KIAA1217: variants seen among roughly 807,000 people sequenced by gnomAD.
KIAA1217 encodes sickle tail protein homolog.
Under a neutral mutation model 163.9 loss-of-function variants are expected in KIAA1217, and 88 were observed. That is an observed-to-expected ratio of 0.54 (90% confidence interval 0.45 to 0.64). The LOEUF (loss-of-function observed/expected upper bound fraction) is 0.64. Among genes scored for constraint, KIAA1217 ranks in the 30% least tolerant of loss-of-function variants. The probability of loss-of-function intolerance (pLI) is 0.00; values close to 1 mark genes in which losing one functional copy is unlikely to be tolerated. For synonymous variants in KIAA1217, 903 were observed against 923.1 expected (o/e 0.98, Z 0.39); for missense variants, 2,372 against 2,475.0 (o/e 0.96, Z 0.88).
chr10:23,778,230 A>G (rs972971416), intron 1 of KIAA1217, among the ~76,000 whole-genome samples: 1 of 152,136 alleles, frequency 6.6e-6, no homozygotes, highest in Non-Finnish European at 1.5e-5. Context: ...GTGAGCCACC[A>G]TGCTCGGCAA....
Position 24,126,136 on chromosome 10 carries a change from T to C in KIAA1217, c.-170-93490T>C, listed in dbSNP as rs905869445. On this transcript the variant is annotated intron_variant, in intron 2 of 18. Coordinates refer to the KIAA1217 transcript ENST00000376462. ...AATGCCAATTTATAATTCTATTCTCTTTCAGAAATTTATATTAAACGTGTT... is the reference window on the plus strand; with the variant it reads ...AATGCCAATTTATAATTCTATTCTCCTTCAGAAATTTATATTAAACGTGTT... 5.7e-4 allele frequency among the ~76,000 whole-genome samples: 87 copies of C among 152,228 alleles called. 1 individual carries two copies. Among genetic ancestry groups the C allele is most frequent in the Non-Finnish European group, 4.4e-5 (3 of 68,034 alleles).
At chr10:24,223,320 G>A (rs1006289310) in intron 2 of KIAA1217, among the ~76,000 whole-genome samples, 14 of 152,074 alleles carry the variant, frequency 9.2e-5, no homozygotes, top group African/African-American at 3.4e-4. Flanking sequence ...ACCAGAGATC[G>A]GTGTAGACAT....
intron 2 of KIAA1217, among the ~76,000 whole-genome samples, chr10:24,115,792 G>A (rs1457168305): frequency 6.6e-6 from 1 of 152,230 alleles, no homozygotes; most frequent in Non-Finnish European, 1.5e-5. Context: ...TGGAACTGGG[G>A]AGGTTCCTGG....
chr10:23,784,942 A>C (rs978372380), intron 1 of KIAA1217, among the ~76,000 whole-genome samples: 1 of 152,120 alleles, frequency 6.6e-6, no homozygotes, highest in African/African-American at 2.4e-5. Context: ...TTGAAAAAAA[A>C]CCAACGCTTT....
intron 2 of KIAA1217, among the ~76,000 whole-genome samples, chr10:24,371,318 A>G (rs1240902533): frequency 6.6e-6 from 1 of 152,220 alleles, no homozygotes; most frequent in Non-Finnish European, 1.5e-5. Context: ...CTTCAAGGGA[A>G]AAAAAAGAAT....
intron 1 of KIAA1217, among the ~76,000 whole-genome samples, chr10:23,995,834 C>T (rs571760393): frequency 2.6e-5 from 4 of 152,220 alleles, no homozygotes; most frequent in African/African-American, 9.6e-5. Context: ...CAAGGTTAAG[C>T]GTATGGCTGA....
chr10:23,969,654 G>A (rs1845220734), intron 1 of KIAA1217, among the ~76,000 whole-genome samples: 1 of 152,168 alleles, frequency 6.6e-6, no homozygotes, highest in Non-Finnish European at 1.5e-5. Flanking sequence ...TGGTCTGTAA[G>A]AGTTCTTTAT....
rs1054618768 is a variant in KIAA1217 at position 23,896,055 on chromosome 10, G to A, written c.-320-111170G>A. Among the ~76,000 whole-genome samples, 10 of 151,484 alleles carry A rather than the reference G, an allele frequency of 6.6e-5. No individual in the cohort carries two copies. The East Asian group carries it at 9.8e-4, about 15-fold the overall frequency. Reference sequence around the variant, plus strand: ...ATACCTAATGCTAAATGACGAGTTAGTGGGTGCAGCACACCAGCATGGCAC... The same window carrying A: ...ATACCTAATGCTAAATGACGAGTTAATGGGTGCAGCACACCAGCATGGCAC... On this transcript the variant is annotated intron_variant, in intron 1 of 18. Coordinates refer to the KIAA1217 transcript ENST00000376462.
chr10:23,807,806 C>G (rs1267466672), intron 1 of KIAA1217, among the ~76,000 whole-genome samples: 2 of 152,192 alleles, frequency 1.3e-5, no homozygotes, highest in African/African-American at 2.4e-5. Context: ...TGAGCAGGAA[C>G]TGGCATTTAA....
chr10:24,141,390 C>G (rs1268011369), intron 2 of KIAA1217, among the ~76,000 whole-genome samples: 3 of 151,908 alleles, frequency 2.0e-5, no homozygotes, highest in Non-Finnish European at 4.4e-5. Flanking sequence ...CCACTTGGAC[C>G]CAGACACAGT....
intron 2 of KIAA1217, among the ~76,000 whole-genome samples, chr10:24,232,141 C>A (rs1266634517): frequency 6.6e-6 from 1 of 152,224 alleles, no homozygotes; most frequent in African/African-American, 2.4e-5. Context: ...TGAAGTACAT[C>A]TCAGAAGATT....
chr10:24,520,197 T>C lies in KIAA1217; in HGVS notation c.2252T>C (p.Val751Ala). The C allele has an allele frequency of 1.2e-6, 2 of 1,614,156 alleles. No individual in the cohort carries two copies. The highest frequency in any genetic ancestry group is 1.1e-5 in the South Asian group (1 of 91,076). ...AGCCGATTGGTTACTCTGAAAGACG[T>C]GGAAGACGGGGCTTTCCTCCTGCGT... ...AASRLVTLKD[V>A]EDGAFLLRQV... Residue 751 changes from valine to alanine, a missense_variant, in exon 11 of 21, where the codon GTG becomes GCG. Val to Ala is a moderately conservative substitution (Grantham distance 64). Coordinates refer to ENST00000376454, the MANE Select transcript of KIAA1217 (RefSeq NM_019590.5).
chr10:24,318,120 A>G (rs1217338635), intron 2 of KIAA1217, among the ~76,000 whole-genome samples: 2 of 152,326 alleles, frequency 1.3e-5, no homozygotes, highest in Admixed American at 1.3e-4. Flanking sequence ...CACCCTGGGC[A>G]ATATAGCAGA....
At chr10:24,347,361 G>A (rs2047919139) in intron 2 of KIAA1217, among the ~76,000 whole-genome samples, 1 of 152,242 alleles carries the variant, frequency 6.6e-6, no homozygotes, top group African/African-American at 2.4e-5. Context: ...GGACTGGAAA[G>A]TGGGACTGGA....
Position 24,546,423 on chromosome 10 carries a change from C to A in KIAA1217, c.*99C>A. On this transcript the variant is annotated 3_prime_UTR_variant, in exon 21 of 21. Transcript: ENST00000376454. ...AAGAGAATGTAACATATTGCTGTAT[C>A]GTTTGAGGCTTAATGCTAAATATGT... The A allele has an allele frequency of 8.3e-7, 1 of 1,198,324 alleles. No individual in the cohort carries two copies. Among genetic ancestry groups the A allele is most frequent in the Non-Finnish European group, 1.2e-6 (1 of 863,314 alleles). 74.2% of individuals were successfully genotyped at this position (1,198,324 alleles called of 1,614,324 possible). A position where few individuals can be genotyped will look rare whatever the true frequency, so the allele number is the denominator to read the frequency against.
chr10:24,119,319 G>A (rs192240954), intron 2 of KIAA1217, among the ~76,000 whole-genome samples: 15 of 152,184 alleles, frequency 9.9e-5, no homozygotes, highest in Non-Finnish European at 1.3e-4. Context: ...AACTTTTGTC[G>A]ACTTCTCTGG....
At chr10:24,105,575 T>G (rs2062592980) in intron 2 of KIAA1217, among the ~76,000 whole-genome samples, 1 of 152,196 alleles carries the variant, frequency 6.6e-6, no homozygotes, top group Non-Finnish European at 1.5e-5. Flanking sequence ...ATTCTTTTTA[T>G]TCCTGGTCCA....
At chr10:24,142,978 T>C (rs1174207139) in intron 2 of KIAA1217, among the ~76,000 whole-genome samples, 1 of 152,226 alleles carries the variant, frequency 6.6e-6, no homozygotes, top group Non-Finnish European at 1.5e-5. Flanking sequence ...GAAATTATTT[T>C]CGTATACCCT....
intron 1 of KIAA1217, among the ~76,000 whole-genome samples, chr10:24,218,897 G>T (rs1332195111): frequency 1.3e-5 from 2 of 152,114 alleles, no homozygotes; most frequent in African/African-American, 4.8e-5. Context: ...TACGTACAGG[G>T]TGATAGCTAT....
Sources: gnomAD v4.1 joint callset for allele counts (sites outside exome capture counted in the v4.1 genomes callset) on GRCh38, gnomAD v4.1.1 for gene constraint, MANE v1.5 for transcripts, NCBI Gene and HGNC (gene_info 2026-07-23, HGNC 2026-07-21) for gene names.